The following PCDH9 variants were observed in gnomAD, a reference collection of about 807,000 sequenced individuals.
The protein encoded by PCDH9 is protocadherin-9.
Under a neutral mutation model 70.6 loss-of-function variants are expected in PCDH9, and 24 were observed. That is an observed-to-expected ratio of 0.34 (90% CI 0.25 to 0.48). PCDH9 has a LOEUF of 0.48. PCDH9 is among the 20% of genes least tolerant of loss of function. The probability of loss-of-function intolerance (pLI) is 0.99; values close to 1 mark genes in which losing one functional copy is unlikely to be tolerated. For missense variants in PCDH9, 1,281 were observed against 1,503.6 expected, an observed-to-expected ratio of 0.85 and a Z score of 2.45; for synonymous variants, 562 against 558.5, an observed-to-expected ratio of 1.01 and a Z score of -0.09.
chr13:67,110,166 A>C (rs2086628068), intron 2 of PCDH9, among the ~76,000 whole-genome samples: 1 of 152,008 alleles, frequency 6.6e-6, no homozygotes, highest in Non-Finnish European at 1.5e-5. Flanking sequence ...CATCATATGG[A>C]AAACTGCTAT....
At chr13:66,943,764 C>T (rs746333240) in intron 2 of PCDH9, among the ~76,000 whole-genome samples, 1 of 151,934 alleles carries the variant, frequency 6.6e-6, no homozygotes, top group Non-Finnish European at 1.5e-5. Flanking sequence ...GAGAAAACTT[C>T]AAGCAATTCA....
chr13:66,558,698 T>C (rs1171419178), intron 4 of PCDH9, among the ~76,000 whole-genome samples: 1 of 151,870 alleles, frequency 6.6e-6, no homozygotes. Context: ...AGGCGCTAAC[T>C]GTAAAAGAGC....
chr13:66,349,066 C>T (rs188688911), intron 4 of PCDH9, among the ~76,000 whole-genome samples: 7 of 152,222 alleles, frequency 4.6e-5, no homozygotes, highest in Admixed American at 3.9e-4. Context: ...AACCAAACAT[C>T]CTCAATCAGA....
chr13:66,931,642 G>A (rs1318758085), intron 2 of PCDH9, among the ~76,000 whole-genome samples: 1 of 152,126 alleles, frequency 6.6e-6, no homozygotes. Context: ...TAGTTCTAGT[G>A]TTCTCAAGAG....
intron 2 of PCDH9, among the ~76,000 whole-genome samples, chr13:67,153,717 T>A (rs1022466250): frequency 6.6e-6 from 1 of 152,232 alleles, no homozygotes; most frequent in African/African-American, 2.4e-5. Context: ...AACCCTTTAG[T>A]ATCTACCCTC....
chr13:66,595,376 T>C (rs543933834), intron 4 of PCDH9, among the ~76,000 whole-genome samples: 2 of 151,746 alleles, frequency 1.3e-5, no homozygotes, highest in Admixed American at 6.6e-5. Flanking sequence ...TGTTGAACTA[T>C]GTGTGACAAA....
At chr13:66,465,537 G>A (rs1023280822) in intron 4 of PCDH9, among the ~76,000 whole-genome samples, 5 of 151,962 alleles carry the variant, frequency 3.3e-5, no homozygotes, top group African/African-American at 1.2e-4. Flanking sequence ...AAGGTAGACA[G>A]TATACCGTCT....
chr13:66,523,569 TACAC>T (rs746989014), intron 4 of PCDH9, among the ~76,000 whole-genome samples: 1 of 151,142 alleles, frequency 6.6e-6, no homozygotes, highest in East Asian at 1.9e-4. Context: ...CATATACATA[TACAC>T]ACACACACAC....
chr13:67,055,834 C>T (rs1421775878), intron 2 of PCDH9, among the ~76,000 whole-genome samples: 1 of 151,900 alleles, frequency 6.6e-6, no homozygotes, highest in Non-Finnish European at 1.5e-5. Flanking sequence ...AAAATATTGT[C>T]TAAATACAAA....
chr13:66,412,650 T>C (rs1419091103), intron 4 of PCDH9, among the ~76,000 whole-genome samples: 2 of 152,226 alleles, frequency 1.3e-5, no homozygotes, highest in East Asian at 1.9e-4. Flanking sequence ...GTCAGATAAT[T>C]GAACAATGCT....
chr13:66,445,231 T>C (rs1381094129), intron 4 of PCDH9, among the ~76,000 whole-genome samples: 3 of 147,390 alleles, frequency 2.0e-5, no homozygotes, highest in Admixed American at 6.8e-5. Context: ...TTGCCAATTA[T>C]ATCTCAATAC....
At chr13:66,794,811 AT>A (rs2080215020) in intron 3 of PCDH9, among the ~76,000 whole-genome samples, 2 of 152,062 alleles carry the variant, frequency 1.3e-5, no homozygotes, top group African/African-American at 4.8e-5. Flanking sequence ...TGTTATTACC[AT>A]TTTTGGTTCC....
chr13:66,618,604 T>C (rs1049293162), intron 4 of PCDH9, among the ~76,000 whole-genome samples: 3 of 152,178 alleles, frequency 2.0e-5, no homozygotes, highest in African/African-American at 7.2e-5. Context: ...ATAACTTTAT[T>C]TTGAGGTATT....
In PCDH9 at chr13:67,125,879, G is replaced by GTA. The variant is rs953005619; in HGVS notation, c.3036+99524_3036+99525dup. 1.1e-4 allele frequency among the ~76,000 whole-genome samples: 16 copies of GTA among 151,926 alleles called. No individual in the cohort carries two copies. In the East Asian group the frequency reaches 1.9e-3, roughly 18 times the overall value. On this transcript the variant is annotated intron_variant, in intron 2 of 4. Transcript: ENST00000377865. The stretch of plus-strand genomic sequence containing the variant: ...TGTGTGTGTATGTATGTATGCATGT[G>GTA]TATATATATGTGTGTGTGTATCAAA...
At chr13:66,489,562 T>A (rs1205328943) in intron 4 of PCDH9, among the ~76,000 whole-genome samples, 1 of 152,168 alleles carries the variant, frequency 6.6e-6, no homozygotes, top group East Asian at 1.9e-4. Flanking sequence ...TTCTCCTGCT[T>A]CAGCTTCTTA....
chr13:66,670,053 T>C (rs1033888222), intron 3 of PCDH9, among the ~76,000 whole-genome samples: 13 of 152,164 alleles, frequency 8.5e-5, no homozygotes, highest in Non-Finnish European at 1.5e-5. Context: ...TCTGATCCTC[T>C]AGCTCCTCCC....
intron 3 of PCDH9, among the ~76,000 whole-genome samples, chr13:66,810,070 G>A (rs1418639250): frequency 6.6e-6 from 1 of 152,086 alleles, no homozygotes; most frequent in Non-Finnish European, 1.5e-5. Flanking sequence ...CTGTATGTTT[G>A]TGGAATTATA....
intron 3 of PCDH9, among the ~76,000 whole-genome samples, chr13:66,825,855 A>G (rs1393578210): frequency 2.0e-5 from 3 of 152,184 alleles, no homozygotes; most frequent in Admixed American, 2.0e-4. Flanking sequence ...GAAATAACTC[A>G]CAAACTACAT....
At chr13:66,629,117 A>G (rs979136050) in intron 4 of PCDH9, among the ~76,000 whole-genome samples, 2 of 152,246 alleles carry the variant, frequency 1.3e-5, no homozygotes, top group Admixed American at 1.3e-4. Flanking sequence ...AGTTCATGAA[A>G]CATTGTCTTA....
Sources: gnomAD v4.1 joint callset for allele counts (sites outside exome capture counted in the v4.1 genomes callset) on GRCh38, gnomAD v4.1.1 for gene constraint, MANE v1.5 for transcripts, NCBI Gene and HGNC (gene_info 2026-07-23, HGNC 2026-07-21) for gene names.